Variants in MYO7B observed in about 807,000 individuals in gnomAD.
MYO7B encodes unconventional myosin-VIIb.
MYO7B carries 212 observed loss-of-function variants against 259.7 expected under a neutral mutation model. The ratio of observed to expected loss-of-function variants is 0.82; its 90% CI spans 0.73 to 0.91. MYO7B has a LOEUF of 0.91. Among genes scored for constraint, MYO7B ranks in the 40% least tolerant of loss-of-function variants. MYO7B has a pLI of 0.00. For missense variants in MYO7B, 2,732 were observed against 2,813.5 expected, an observed-to-expected ratio of 0.97 and a Z score of 0.66; for synonymous variants, 1,197 against 1,166.4, an observed-to-expected ratio of 1.03 and a Z score of -0.54.
In MYO7B at chr2:127,635,819, G is replaced by C. The variant is rs759148602; in HGVS notation, c.5918G>C (p.Arg1973Pro). 5.7e-6 allele frequency: 9 copies of C among 1,587,216 alleles called. No homozygotes were observed. Among genetic ancestry groups the C allele is most frequent in the Non-Finnish European group, 6.9e-6 (8 of 1,167,282 alleles). The change falls in exon 44 of 48, where the codon CGG (arginine) becomes CCG (proline). Residue 1973 changes from arginine to proline, a missense_variant. Coordinates refer to ENST00000409816, the MANE Select transcript of MYO7B (RefSeq NM_001393586.1). ...LIYKAQFNND[R>P]SQLASVPKIL... ...TACAAGGCCCAGTTCAACAACGACC[G>C]GTCCCAGCTGGCTAGTGTCCCCAAG...
intron 5 of MYO7B, among the ~76,000 whole-genome samples, chr2:127,569,311 C>T (rs1678488049): frequency 6.6e-6 from 1 of 151,820 alleles, no homozygotes; most frequent in South Asian, 2.1e-4. Flanking sequence ...GGAGTTGAAG[C>T]TGGATAATGG....
In MYO7B at chr2:127,636,836, A is replaced by G; in HGVS notation, c.6250A>G (p.Ser2084Gly). 6.4e-7 allele frequency: 1 copy of G among 1,567,002 alleles called. No homozygotes were observed. ...TYPFTKISSW[S>G]SGSTYFHMAL... is the part of the protein sequence containing the mutation. ...TCCCTTCACCAAGATCTCCAGCTGGAGCAGCGGCAGCACCTACTTCCACAT... is the reference window on the plus strand; with the variant it reads ...TCCCTTCACCAAGATCTCCAGCTGGGGCAGCGGCAGCACCTACTTCCACAT... Residue 2084 changes from serine to glycine, a missense_variant, in exon 47 of 48, where the codon AGC (serine) becomes GGC (glycine). By Grantham distance (56) the Ser-to-Gly change is moderately conservative. This residue lies in a region of MYO7B where 821 missense variants were observed against 769.3 expected (regional missense o/e 1.07). Coordinates refer to ENST00000409816, the MANE Select transcript of MYO7B (RefSeq NM_001393586.1). The surrounding 1 kb of genome is among the most constrained non-coding windows in gnomAD (Gnocchi z 4.5).
Position 127,596,457 on chromosome 2 carries a change from T to C in MYO7B, c.2245-5T>C. ...AGCCCAGTGACGGCGTCTCTCCTGT[T>C]CCAGGATCATCAGGACACTCTGCTG... is the stretch of plus-strand genomic sequence containing the variant. On this transcript the variant is annotated splice_region_variant and splice_polypyrimidine_tract_variant and intron_variant, in intron 18 of 47. Coordinates refer to ENST00000409816, the MANE Select transcript of MYO7B (RefSeq NM_001393586.1). 6.2e-7 allele frequency: 1 copy of C among 1,611,548 alleles called. No individual in the cohort carries two copies. Among genetic ancestry groups the C allele is most frequent in the Non-Finnish European group, 8.5e-7 (1 of 1,178,406 alleles).
In MYO7B at chr2:127,592,954, C is replaced by G. The variant is rs1201148942; in HGVS notation, c.2145+8C>G. The G allele has an allele frequency of 1.0e-5, 16 of 1,578,642 alleles. No individual in the cohort carries two copies. Among genetic ancestry groups the G allele is most frequent in the Non-Finnish European group, 1.4e-5 (16 of 1,163,332 alleles). The stretch of plus-strand genomic sequence containing the variant: ...AACGCCATGCGGATGCAGGTCAGCG[C>G]CCCTCGGGGACGGTCACCTCTGGCC... On this transcript the variant is annotated splice_region_variant and intron_variant, in intron 17 of 47. Transcript: ENST00000409816.
chr2:127,564,259 A>T lies in MYO7B; in HGVS notation c.125A>T (p.Glu42Val). The change falls in exon 3 of 48, where the codon GAG becomes GTG. Residue 42 changes from glutamate to valine, a missense_variant. Coordinates refer to ENST00000409816, the MANE Select transcript of MYO7B (RefSeq NM_001393586.1). ...KPGKVLVEDDEGKEHWIRAED... is the reference protein window; with the variant it reads ...KPGKVLVEDDVGKEHWIRAED... ...GGCAAAGTCTTGGTTGAAGATGACG[A>T]GGGCAAGGTCAGTGTTCTGGGGTTT... The T allele has an allele frequency of 6.4e-7, 1 of 1,569,832 alleles. No homozygotes were observed.
Position 127,607,282 on chromosome 2 carries a change from A to G in MYO7B, c.2501A>G (p.Gln834Arg), listed in dbSNP as rs1373668229. The change falls in exon 21 of 48, where the codon CAG becomes CGG. Residue 834 changes from glutamine to arginine, a missense_variant. Coordinates refer to ENST00000409816, the MANE Select transcript of MYO7B (RefSeq NM_001393586.1). The surrounding 1 kb of genome is among the most constrained non-coding windows in gnomAD (Gnocchi z 4.4). The part of the protein sequence containing the change: ...PLARQYQAMR[Q>R]RTVQLQALCR... Reference sequence around the variant, plus strand: ...GCGAGGCAGTACCAGGCCATGCGGCAGAGGACAGTCCAGCTGCAGGCCCTG... The same window carrying G: ...GCGAGGCAGTACCAGGCCATGCGGCGGAGGACAGTCCAGCTGCAGGCCCTG... The G allele has an allele frequency of 6.4e-7, 1 of 1,551,346 alleles. No homozygotes were observed. Among genetic ancestry groups the G allele is most frequent in the Admixed American group, 2.0e-5 (1 of 51,042 alleles).
chr2:127,587,536 C>G (rs887617501), intron 14 of MYO7B, among the ~76,000 whole-genome samples: 1 of 150,820 alleles, frequency 6.6e-6, no homozygotes, highest in African/African-American at 2.4e-5. Flanking sequence ...CTGTGTGTGT[C>G]TGTGTCCTCA....
chr2:127,601,378 TTCTG>T (rs1679958702), intron 19 of MYO7B, among the ~76,000 whole-genome samples: 1 of 152,236 alleles, frequency 6.6e-6, no homozygotes, highest in African/African-American at 2.4e-5. Context: ...GTTGCTGATT[TTCTG>T]TCTATGTGTT....
intron 18 of MYO7B, among the ~76,000 whole-genome samples, chr2:127,595,678 T>C (rs918774181): frequency 1.2e-4 from 19 of 152,244 alleles, no homozygotes; most frequent in Non-Finnish European, 1.0e-4. Context: ...CTCTTTGTTC[T>C]AACTGGTTTC....
chr2:127,572,422 A>G lies in MYO7B; in HGVS notation c.593-1498A>G, dbSNP rs1180688016. Among the ~76,000 whole-genome samples the G allele has an allele frequency of 1.3e-5, 2 of 151,518 alleles. 1 individual carries two copies. Among genetic ancestry groups the G allele is most frequent in the Non-Finnish European group, 2.9e-5 (2 of 67,882 alleles). ...CGACAGAGTGAGACTGTCTCAAAAAAAAAAAAAAAGACTTTTCTGTCTTTC... is the reference window on the plus strand; with the variant it reads ...CGACAGAGTGAGACTGTCTCAAAAAGAAAAAAAAAGACTTTTCTGTCTTTC... On this transcript the variant is annotated intron_variant, in intron 6 of 47. Transcript: ENST00000409816.
chr2:127,600,850 T>C (rs745393846), intron 19 of MYO7B, among the ~76,000 whole-genome samples: 2 of 152,262 alleles, frequency 1.3e-5, no homozygotes, highest in Non-Finnish European at 2.9e-5. Context: ...CCTTCCAAAA[T>C]ATATCCTTGG....
chr2:127,633,142 T>C, intron 39 of MYO7B, 116 bp from the exon 40 acceptor site: 21 of 772,450 alleles, frequency 2.7e-5, no homozygotes, highest in Non-Finnish European at 4.4e-5. Flanking sequence ...ACCCCAGTGA[T>C]GGTCACTGGG....
At chr2:127,582,238 G>T in intron 11 of MYO7B, 66 bp from the exon 12 acceptor site, 1 of 1,580,674 alleles carries the variant, frequency 6.3e-7, no homozygotes, top group South Asian at 1.1e-5. Context: ...CTCTCCAGGT[G>T]AACTTGGAGG....
chr2:127,581,537 A>G (rs531328082), intron 10 of MYO7B, among the ~76,000 whole-genome samples: 214 of 152,298 alleles, frequency 1.4e-3, no homozygotes, highest in Non-Finnish European at 2.4e-3. Flanking sequence ...GGGCTGGCCC[A>G]GCACACTCTC....
In MYO7B at chr2:127,612,493, C is replaced by A; in HGVS notation, c.3288C>A (p.Asn1096Lys). 5 of 1,556,438 alleles carry A rather than the reference C, an allele frequency of 3.2e-6. No homozygotes were observed. The highest frequency in any genetic ancestry group is 4.3e-6 in the Non-Finnish European group (5 of 1,149,780). Residue 1096 changes from asparagine (N) to lysine (K), a missense_variant, in exon 26 of 48, where the codon AAC (asparagine) becomes AAA (lysine). Physicochemically the swap from Asn to Lys is moderately conservative, Grantham distance 94. This residue lies in a region of MYO7B where 1,906 missense variants were observed against 2,026.4 expected (regional missense o/e 0.94). Transcript: ENST00000409816. ...GTTTCAAGGTGGCCAGCCAGCTGAA[C>A]ATTGGAGAGGAGGCATTGGAGCCTG... ...RITGQVASQL[N>K]IGEEALEPDG...
intron 1 of MYO7B, among the ~76,000 whole-genome samples, chr2:127,543,094 T>G (rs1693071308): frequency 6.6e-6 from 1 of 152,182 alleles, no homozygotes; most frequent in African/African-American, 2.4e-5. Context: ...GGCGTTCCTC[T>G]TTTACTAATC....
rs1263700851 is a variant in MYO7B, at chr2:127,546,737, A to G, written c.-24+10906A>G. Among the ~76,000 whole-genome samples the G allele has an allele frequency of 1.3e-5, 2 of 151,938 alleles. No homozygotes were observed. The highest frequency in any genetic ancestry group is 3.9e-4 in the East Asian group (2 of 5,182). ...ACACCAGTGCTTCCTGTAAGGGGCA[A>G]TGCCTCACCTGCTTTCCTGGGTAGG... On this transcript the variant is annotated intron_variant, in intron 1 of 47. Transcript: ENST00000409816. This position sits in a 1 kb window ranked among gnomAD's most constrained non-coding sequence, Gnocchi z 4.2.
Position 127,636,898 on chromosome 2 carries a change from G to A in MYO7B, c.6312G>A (p.Leu2104=). ...GCCTGGGCCGTGGCAGCCGCCTGCT[G>A]TGCGAGACCTCCCTGGTGAGCTCAG... is the stretch of plus-strand genomic sequence containing the variant. ...LGSLGRGSRL[L]CETSLGYKMD... Residue 2104 remains leucine (L), a synonymous_variant, in exon 47 of 48, where the codon CTG becomes CTA. Transcript: ENST00000409816. The surrounding 1 kb of genome is among the most constrained non-coding windows in gnomAD (Gnocchi z 4.5). 1 of 1,612,940 alleles carries A rather than the reference G, an allele frequency of 6.2e-7. No homozygotes were observed. The highest frequency in any genetic ancestry group is 8.5e-7 in the Non-Finnish European group (1 of 1,179,868).
intron 1 of MYO7B, among the ~76,000 whole-genome samples, chr2:127,549,577 T>C (rs929216034): frequency 2.0e-5 from 3 of 152,208 alleles, no homozygotes; most frequent in Admixed American, 1.3e-4. Flanking sequence ...CTTTCAGCAA[T>C]TGTTAGTTTC....
Sources: allele counts gnomAD v4.1 joint callset (sites outside exome capture counted in the v4.1 genomes callset), GRCh38; gene constraint gnomAD v4.1.1; regional missense constraint gnomAD v4.1.1; non-coding constraint Gnocchi (gnomAD v3.1); transcripts MANE v1.5; gene names NCBI Gene and HGNC (gene_info 2026-07-23, HGNC 2026-07-21).